The following TCF12 variants were observed in gnomAD, a reference collection of about 807,000 sequenced individuals.
TCF12 encodes the protein transcription factor 12.
A neutral mutation model predicts 86.0 loss-of-function variants in TCF12; 45 were observed. That is an observed-to-expected ratio of 0.52 (90% confidence interval 0.41 to 0.67). The LOEUF (loss-of-function observed/expected upper bound fraction) is 0.67. Ranked by LOEUF, TCF12 falls within the 30% of genes least tolerant of loss-of-function variation. The pLI is 0.00. For synonymous variants in TCF12, 330 were observed against 299.6 expected (o/e 1.10, Z -1.05); for missense variants, 881 against 859.9 (o/e 1.02, Z -0.31).
intron 18 of TCF12, among the ~76,000 whole-genome samples, chr15:57,263,983 T>C (rs141362886): frequency 2.0e-5 from 3 of 152,288 alleles, no homozygotes; most frequent in South Asian, 2.1e-4. Flanking sequence ...CTGTACACTA[T>C]TGTAGACTTT....
At chr15:56,995,823 C>T (rs1237508057) in intron 3 of TCF12, among the ~76,000 whole-genome samples, 2 of 152,074 alleles carry the variant, frequency 1.3e-5, no homozygotes, top group South Asian at 2.1e-4. Flanking sequence ...ACTTCCAGTA[C>T]TACATTGAAT....
chr15:57,288,869 T>C lies in TCF12; in HGVS notation c.*2724T>C, dbSNP rs149100418. Reference sequence around the variant, plus strand: ...GACTCAAAAGAGGCTTTTTAAGTTATTCTTCAAAGCACTTTTCACATTTCC... The same window carrying C: ...GACTCAAAAGAGGCTTTTTAAGTTACTCTTCAAAGCACTTTTCACATTTCC... On this transcript the variant is annotated 3_prime_UTR_variant, in exon 21 of 21. Coordinates refer to ENST00000333725, the MANE Select transcript of TCF12 (RefSeq NM_207037.2). The C allele has an allele frequency of 3.3e-5, 5 of 152,378 alleles. No homozygotes were observed. Among genetic ancestry groups the C allele is most frequent in the South Asian group, 2.1e-4 (1 of 4,832 alleles). The allele number at this position is 152,378 out of a possible 1,614,324, so 9.4% of individuals were successfully genotyped here.
chr15:57,081,135 A>G (rs1160545964), intron 4 of TCF12, among the ~76,000 whole-genome samples: 3 of 152,058 alleles, frequency 2.0e-5, no homozygotes, highest in Admixed American at 1.3e-4. Flanking sequence ...GGGTAGTTAA[A>G]TTTTGTTTTG....
intron 3 of TCF12, among the ~76,000 whole-genome samples, chr15:56,996,774 A>T (rs1292424031): frequency 6.6e-6 from 1 of 151,652 alleles, no homozygotes; most frequent in African/African-American, 2.4e-5. Flanking sequence ...TAAGGAACTT[A>T]AATCAACTAG....
intron 4 of TCF12, among the ~76,000 whole-genome samples, chr15:57,086,294 T>C (rs1004443191): frequency 6.6e-6 from 1 of 151,156 alleles, no homozygotes; most frequent in Non-Finnish European, 1.5e-5. Context: ...CTTTTCCAAG[T>C]GCTACATATA....
At chr15:57,241,098 G>A (rs2059605684) in intron 12 of TCF12, among the ~76,000 whole-genome samples, 1 of 147,738 alleles carries the variant, frequency 6.8e-6, no homozygotes. Context: ...CAATAATATT[G>A]ATTTTTTTTT....
intron 3 of TCF12, among the ~76,000 whole-genome samples, chr15:56,931,462 G>A (rs1162892916): frequency 6.6e-6 from 1 of 152,082 alleles, no homozygotes; most frequent in Admixed American, 6.5e-5. Flanking sequence ...TCTACCATAA[G>A]GAAGCCTCAG....
At chr15:57,019,231 A>G (rs373586554) in intron 3 of TCF12, among the ~76,000 whole-genome samples, 2 of 152,360 alleles carry the variant, frequency 1.3e-5, no homozygotes, top group Admixed American at 6.5e-5. Context: ...TTTACTATCA[A>G]TGTAGTGACC....
intron 6 of TCF12, among the ~76,000 whole-genome samples, chr15:57,183,468 C>G (rs1335166169): frequency 6.6e-6 from 1 of 152,142 alleles, no homozygotes; most frequent in Non-Finnish European, 1.5e-5. Flanking sequence ...TCTGTCATTT[C>G]TGCCCCTATT....
chr15:56,987,620 C>T (rs1385519594), intron 3 of TCF12, among the ~76,000 whole-genome samples: 2 of 152,080 alleles, frequency 1.3e-5, no homozygotes, highest in African/African-American at 4.8e-5. Flanking sequence ...AGTTTTGGTG[C>T]ATGTCAGGTT....
intron 6 of TCF12, among the ~76,000 whole-genome samples, chr15:57,183,946 C>T (rs767939559): frequency 2.0e-5 from 3 of 152,118 alleles, no homozygotes; most frequent in African/African-American, 7.2e-5. Flanking sequence ...AGGAAATACA[C>T]TTCCTGTTCA....
chr15:56,921,709 A>G (rs1449987605), intron 3 of TCF12, among the ~76,000 whole-genome samples: 1 of 152,016 alleles, frequency 6.6e-6, no homozygotes, highest in Admixed American at 6.5e-5. Flanking sequence ...AAGAAAACCA[A>G]CTGTCAAATC....
intron 3 of TCF12, among the ~76,000 whole-genome samples, chr15:56,986,077 G>A (rs1049249371): frequency 6.6e-6 from 1 of 152,070 alleles, no homozygotes; most frequent in Non-Finnish European, 1.5e-5. Context: ...GAAATTTTTT[G>A]TATTGGGTGA....
In TCF12 at chr15:57,062,519, C is replaced by A. The variant is rs139304377; in HGVS notation, c.149-1231C>A. 9.2e-4 allele frequency among the ~76,000 whole-genome samples: 140 copies of A among 152,160 alleles called. 1 individual carries two copies. In the East Asian group the frequency reaches 0.026, roughly 28 times the overall value. On this transcript the variant is annotated intron_variant, in intron 3 of 20. Coordinates refer to ENST00000333725, the MANE Select transcript of TCF12 (RefSeq NM_207037.2). ...TACAGATTCATAAAAATAATAGAGTCCTAATAACTAAGTTAGTAATTAGTA... is the reference window on the plus strand; with the variant it reads ...TACAGATTCATAAAAATAATAGAGTACTAATAACTAAGTTAGTAATTAGTA...
Position 56,933,474 on chromosome 15 carries a change from T to C in TCF12, c.148+12376T>C, listed in dbSNP as rs544053129. ...TAAGGTAGTGGAAAATAAAGATACA[T>C]TGTGGTATATTTGAAAGAGGAGCAG... is the stretch of plus-strand genomic sequence containing the variant. On this transcript the variant is annotated intron_variant, in intron 3 of 20. Transcript: ENST00000333725. Among the ~76,000 whole-genome samples, 28 of 152,140 alleles carry C rather than the reference T, an allele frequency of 1.8e-4. No homozygotes were observed. The East Asian group carries it at 5.0e-3, about 27-fold the overall frequency.
chr15:57,022,418 A>T (rs1383721339), intron 3 of TCF12, among the ~76,000 whole-genome samples: 1 of 152,196 alleles, frequency 6.6e-6, no homozygotes. Context: ...ATGGCTGCGT[A>T]GTATTCCATG....
chr15:57,240,879 CAAAAAAAAA>C (rs68154303), intron 12 of TCF12, among the ~76,000 whole-genome samples: 4 of 65,692 alleles, frequency 6.1e-5, no homozygotes, highest in Non-Finnish European at 8.5e-5. Flanking sequence ...GACCCTGTCT[CAAAAAAAAA>C]AAAAAAAAAA....
At chr15:57,281,936 T>C (rs1490769006) in intron 19 of TCF12, 1 of 167,756 alleles carries the variant, frequency 6.0e-6, no homozygotes, top group Non-Finnish European at 1.3e-5. Context: ...CATGGAAAAA[T>C]TGTCTTCCAC....
intron 5 of TCF12, among the ~76,000 whole-genome samples, chr15:57,157,970 T>C (rs747343721): frequency 2.2e-4 from 34 of 151,494 alleles, no homozygotes; most frequent in Non-Finnish European, 3.8e-4. Context: ...CCCTCTCAAA[T>C]TGAATTGTGC....
Sources: allele counts gnomAD v4.1 joint callset (sites outside exome capture counted in the v4.1 genomes callset), GRCh38; gene constraint gnomAD v4.1.1; transcripts MANE v1.5; gene names NCBI Gene and HGNC (gene_info 2026-07-23, HGNC 2026-07-21).